The following COP1 variants were observed in gnomAD, a reference collection of about 807,000 sequenced individuals.
The protein encoded by COP1 is E3 ubiquitin-protein ligase COP1.
COP1 carries 24 observed loss-of-function variants against 101.3 expected under a neutral mutation model. That is an observed-to-expected ratio of 0.24 (90% CI 0.17 to 0.33). The LOEUF (loss-of-function observed/expected upper bound fraction) is 0.33. Among genes scored for constraint, COP1 ranks in the 10% least tolerant of loss-of-function variants. The pLI is 1.00. For missense variants in COP1, 663 were observed against 906.2 expected (o/e 0.73, Z 3.45); for synonymous variants, 347 against 341.9 (o/e 1.01, Z -0.17).
intron 1 of COP1, among the ~76,000 whole-genome samples, chr1:176,203,017 T>A (rs981640664): frequency 1.3e-5 from 2 of 152,074 alleles, no homozygotes; most frequent in Non-Finnish European, 2.9e-5. Flanking sequence ...AGATCCTAAC[T>A]ATTTTCTATC....
chr1:176,101,172 G>A (rs1403375160), intron 9 of COP1, among the ~76,000 whole-genome samples: 7 of 152,158 alleles, frequency 4.6e-5, no homozygotes, highest in Non-Finnish European at 8.8e-5. Flanking sequence ...CAACATCAGT[G>A]AAAGCTGCTT....
chr1:176,195,893 C>T (rs1348420198), intron 1 of COP1, among the ~76,000 whole-genome samples: 4 of 152,088 alleles, frequency 2.6e-5, no homozygotes, highest in African/African-American at 9.7e-5. Flanking sequence ...AAATCGGGGA[C>T]GGAGGGGGTT....
chr1:176,121,197 G>C (rs1193327936), intron 8 of COP1, among the ~76,000 whole-genome samples: 2 of 151,730 alleles, frequency 1.3e-5, no homozygotes, highest in Middle Eastern at 3.2e-3. Flanking sequence ...CACTAAGCAA[G>C]AAGTAACCTG....
At chr1:176,137,192 C>T (rs1275027416) in intron 6 of COP1, among the ~76,000 whole-genome samples, 2 of 152,110 alleles carry the variant, frequency 1.3e-5, no homozygotes, top group African/African-American at 2.4e-5. Flanking sequence ...TTATATCTCG[C>T]CTATTAAACC....
chr1:176,043,357 T>C (rs1670970532), intron 13 of COP1, 90 bp from the exon 14 acceptor site: 1 of 769,706 alleles, frequency 1.3e-6, no homozygotes, highest in Admixed American at 2.4e-5. Context: ...TATCAATTTA[T>C]TGTTACGGGG....
chr1:175,964,682 A>G (rs557043470), intron 18 of COP1, among the ~76,000 whole-genome samples: 13 of 152,350 alleles, frequency 8.5e-5, no homozygotes, highest in African/African-American at 3.1e-4. Flanking sequence ...TTTAACAAGC[A>G]TTTGATTAAA....
At chr1:176,141,599 C>T (rs944714782) in intron 6 of COP1, among the ~76,000 whole-genome samples, 13 of 152,132 alleles carry the variant, frequency 8.5e-5, no homozygotes, top group Admixed American at 8.5e-4. Context: ...ATATGAAGTG[C>T]ACACTACAGC....
At chr1:176,154,041 T>A (rs1693058904) in intron 5 of COP1, among the ~76,000 whole-genome samples, 2 of 152,176 alleles carry the variant, frequency 1.3e-5, no homozygotes, top group South Asian at 4.1e-4. Context: ...GTAACACTGG[T>A]CTTAAGTTTC....
intron 11 of COP1, among the ~76,000 whole-genome samples, chr1:176,055,418 A>G (rs1673292892): frequency 1.3e-5 from 2 of 152,204 alleles, no homozygotes; most frequent in African/African-American, 2.4e-5. Context: ...CTGGGCAACA[A>G]AAGTGAAACT....
intron 15 of COP1, among the ~76,000 whole-genome samples, chr1:176,004,833 C>T (rs1003822931): frequency 1.3e-5 from 2 of 151,262 alleles, no homozygotes; most frequent in African/African-American, 4.8e-5. Context: ...TGTGTCTCTG[C>T]CCGGCTTTGG....
intron 15 of COP1, among the ~76,000 whole-genome samples, chr1:176,018,051 G>A (rs1665989759): frequency 6.6e-6 from 1 of 152,106 alleles, no homozygotes; most frequent in Admixed American, 6.5e-5. Context: ...GATTTGAGGA[G>A]GAATTAGAAG....
intron 9 of COP1, among the ~76,000 whole-genome samples, chr1:176,086,447 CG>C (rs1680190705): frequency 6.6e-6 from 1 of 151,836 alleles, no homozygotes. Context: ...AGGATGGTCT[CG>C]ATCTCCTGAC....
intron 14 of COP1, among the ~76,000 whole-genome samples, chr1:176,041,104 GA>G (rs1670443577): frequency 6.6e-6 from 1 of 152,144 alleles, no homozygotes; most frequent in African/African-American, 2.4e-5. Context: ...ACTTCGTTAA[GA>G]GATTTTAGTA....
intron 9 of COP1, among the ~76,000 whole-genome samples, chr1:176,097,595 G>A (rs1175369347): frequency 6.6e-6 from 1 of 152,018 alleles, no homozygotes; most frequent in African/African-American, 2.4e-5. Flanking sequence ...CTGGCTGGGT[G>A]CAGCAGCTCA....
intron 9 of COP1, among the ~76,000 whole-genome samples, chr1:176,092,701 C>T (rs1226154200): frequency 6.6e-6 from 1 of 152,168 alleles, no homozygotes; most frequent in Non-Finnish European, 1.5e-5. Flanking sequence ...TCCAACAATA[C>T]TAATTATCAG....
chr1:176,044,192 C>A (rs1671101510), intron 12 of COP1, among the ~76,000 whole-genome samples: 1 of 152,084 alleles, frequency 6.6e-6, no homozygotes, highest in African/African-American at 2.4e-5. Flanking sequence ...CTGTTTAACC[C>A]CCTGGATCCA....
At chr1:176,035,052 A>C (rs1669251912) in intron 14 of COP1, among the ~76,000 whole-genome samples, 1 of 152,226 alleles carries the variant, frequency 6.6e-6, no homozygotes, top group Non-Finnish European at 1.5e-5. Flanking sequence ...ATTATTCAAC[A>C]TACAAAAACC....
chr1:176,134,835 A>C (rs532104158), intron 8 of COP1, among the ~76,000 whole-genome samples, 175 bp downstream of exon 8: 3 of 152,216 alleles, frequency 2.0e-5, no homozygotes, highest in Admixed American at 1.3e-4. Flanking sequence ...TCTTCCTGGC[A>C]TGAAATCCAA....
rs539119281 is a variant in COP1, at chr1:176,112,068, A to C, written c.1026+4556T>G. ...AGTATTTTCTCTTTTAATCATCTAT[A>C]AATTATTCTAAGTTGTGGGTGTGAG... On this transcript the variant is annotated intron_variant, in intron 9 of 19. Transcript: ENST00000367669. 1.8e-4 allele frequency among the ~76,000 whole-genome samples: 27 copies of C among 152,278 alleles called. No homozygotes were observed. The South Asian group carries it at 5.2e-3, about 29-fold the overall frequency.
Sources: allele counts gnomAD v4.1 joint callset (sites outside exome capture counted in the v4.1 genomes callset), GRCh38; gene constraint gnomAD v4.1.1; transcripts MANE v1.5; gene names NCBI Gene and HGNC (gene_info 2026-07-23, HGNC 2026-07-21).